The following COL24A1 variants were observed in gnomAD, a reference collection of about 807,000 sequenced individuals.
COL24A1 encodes the protein collagen alpha-1(XXIV) chain.
COL24A1 carries 224 observed loss-of-function variants against 253.9 expected under a neutral mutation model. The observed-to-expected ratio is 0.88, with a 90% CI of 0.79 to 0.99. The LOEUF is 0.99. Ranked by LOEUF, COL24A1 falls within the 50% of genes least tolerant of loss-of-function variation. The pLI is 0.00. For missense variants in COL24A1, 2,131 were observed against 2,068.5 expected (o/e 1.03, Z -0.59); for synonymous variants, 685 against 673.7 (o/e 1.02, Z -0.26).
At position 86,131,512 on chromosome 1, in the gene COL24A1, C is replaced by A. The variant is rs140076342; in HGVS notation, c.122-5298G>T. The stretch of plus-strand genomic sequence containing the variant: ...TGTCTCCTAATGCCATCCCTCCCCC[C>A]TCCCCCCACCCCACAAAGGCCCCAG... On this transcript the variant is annotated intron_variant, in intron 2 of 59. Coordinates refer to ENST00000370571, the MANE Select transcript of COL24A1 (RefSeq NM_152890.7). Among the ~76,000 whole-genome samples the A allele has an allele frequency of 5.7e-3, 715 of 125,038 alleles. 4 individuals are homozygous for A. In the East Asian group the frequency reaches 0.079, roughly 14 times the overall value. The allele number at this position is 125,038 out of a possible 152,430, so 82.0% of individuals were successfully genotyped here.
At chr1:85,761,186 C>A (rs1666809820) in intron 55 of COL24A1, among the ~76,000 whole-genome samples, 1 of 152,170 alleles carries the variant, frequency 6.6e-6, no homozygotes, top group South Asian at 2.1e-4. Context: ...CCCAAGAAAG[C>A]AGGAGATACC....
intron 24 of COL24A1, among the ~76,000 whole-genome samples, chr1:85,913,647 G>C (rs1685587745): frequency 6.6e-6 from 1 of 152,164 alleles, no homozygotes; most frequent in South Asian, 2.1e-4. Flanking sequence ...TACTGTGTTG[G>C]CTATGTTGCT....
intron 47 of COL24A1, 123 bp downstream of exon 47, chr1:85,816,665 A>C: frequency 1.3e-6 from 1 of 750,310 alleles, no homozygotes; most frequent in Non-Finnish European, 2.4e-6. Context: ...TAGCTATTAG[A>C]GAAATGAACT....
At chr1:85,948,648 C>T (rs1005608218) in intron 24 of COL24A1, among the ~76,000 whole-genome samples, 1 of 150,646 alleles carries the variant, frequency 6.6e-6, no homozygotes, top group East Asian at 1.9e-4. Flanking sequence ...TTTCTGTATA[C>T]CAACACAACT....
chr1:85,896,313 A>G (rs1429503054), intron 29 of COL24A1, 43 bp downstream of exon 29: 6 of 1,552,244 alleles, frequency 3.9e-6, no homozygotes, highest in Admixed American at 1.7e-5. Context: ...TATGATCTCA[A>G]TAAAATTTAA....
At chr1:85,951,360 A>C (rs544831626) in intron 24 of COL24A1, among the ~76,000 whole-genome samples, 73 of 152,316 alleles carry the variant, frequency 4.8e-4, no homozygotes, top group Admixed American at 2.1e-3. Flanking sequence ...CGTGGAGATT[A>C]GAAAAGACTT....
intron 3 of COL24A1, among the ~76,000 whole-genome samples, chr1:86,119,792 G>T (rs1316277929): frequency 6.6e-6 from 1 of 152,052 alleles, no homozygotes; most frequent in East Asian, 1.9e-4. Context: ...ATCAGTAGAG[G>T]ATTTATAAAT....
At chr1:85,965,150 T>C in intron 22 of COL24A1, 88 bp from the exon 23 acceptor site, 1 of 986,350 alleles carries the variant, frequency 1.0e-6, no homozygotes. Context: ...AAATTTAGAC[T>C]ATTCTTATAA....
chr1:85,767,931 A>G (rs1421040110), intron 53 of COL24A1, among the ~76,000 whole-genome samples: 1 of 152,216 alleles, frequency 6.6e-6, no homozygotes, highest in Admixed American at 6.5e-5. Context: ...TGTACCACAC[A>G]AAGTTCCCTA....
intron 47 of COL24A1, among the ~76,000 whole-genome samples, chr1:85,809,839 T>C (rs1331846891): frequency 3.3e-5 from 5 of 149,582 alleles, no homozygotes; most frequent in Non-Finnish European, 7.4e-5. Flanking sequence ...TAACCATTTT[T>C]AGGTATGCAT....
intron 19 of COL24A1, among the ~76,000 whole-genome samples, chr1:85,996,208 G>A (rs1035228334): frequency 4.6e-5 from 7 of 152,112 alleles, no homozygotes; most frequent in Non-Finnish European, 8.8e-5. Flanking sequence ...GATCTTTTGA[G>A]AGAAAATAGA....
At chr1:85,781,872 G>T (rs1570590188) in intron 51 of COL24A1, among the ~76,000 whole-genome samples, 1 of 152,168 alleles carries the variant, frequency 6.6e-6, no homozygotes, top group East Asian at 1.9e-4. Context: ...GAATAAGCTG[G>T]ATTTCTGGTC....
intron 52 of COL24A1, among the ~76,000 whole-genome samples, chr1:85,776,386 G>A (rs1324966335): frequency 6.6e-6 from 1 of 151,996 alleles, no homozygotes; most frequent in Non-Finnish European, 1.5e-5. Flanking sequence ...CGTTCCATAT[G>A]CACTTGAAAC....
intron 8 of COL24A1, among the ~76,000 whole-genome samples, chr1:86,061,779 A>T (rs2101767747): frequency 6.6e-6 from 1 of 152,208 alleles, no homozygotes; most frequent in East Asian, 1.9e-4. Flanking sequence ...GCATTTAAAG[A>T]TAGATTTTTT....
rs535239572 is a variant in COL24A1, at chr1:86,125,236, A to T, written c.1100T>A (p.Phe367Tyr). 1 of 1,613,530 alleles carries T rather than the reference A, an allele frequency of 6.2e-7. No homozygotes were observed. The highest frequency in any genetic ancestry group is 1.3e-5 in the African/African-American group (1 of 74,962). Residue 367 changes from phenylalanine to tyrosine, a missense_variant, in exon 3 of 60, where the codon TTT becomes TAT. Coordinates refer to ENST00000370571, the MANE Select transcript of COL24A1 (RefSeq NM_152890.7). ...GTCAGACATGTTTAGGAGAGAGCTA[A>T]ATTTCTCTTTGGTATTCATTTTTGC... is the stretch of plus-strand genomic sequence containing the variant. ...SEAKMNTKEK[F>Y]SSLLNMSDNI... is the part of the protein sequence containing the mutation.
intron 24 of COL24A1, among the ~76,000 whole-genome samples, chr1:85,912,283 G>A (rs1685447541): frequency 6.6e-6 from 1 of 152,036 alleles, no homozygotes; most frequent in African/African-American, 2.4e-5. Context: ...CACGTCTCAG[G>A]GTTTTTCCAT....
At chr1:85,838,427 G>A (rs547570279) in intron 43 of COL24A1, among the ~76,000 whole-genome samples, 158 bp downstream of exon 43, 2 of 152,096 alleles carry the variant, frequency 1.3e-5, no homozygotes, top group South Asian at 4.1e-4. Context: ...AGACAAAGAT[G>A]ATTCTAGGAA....
At chr1:85,776,063 G>T (rs1668511651) in intron 52 of COL24A1, among the ~76,000 whole-genome samples, 1 of 152,080 alleles carries the variant, frequency 6.6e-6, no homozygotes, top group South Asian at 2.1e-4. Flanking sequence ...TCTAATAATT[G>T]TTTTTCTTAA....
chr1:86,053,193 A>G (rs1700437184), intron 10 of COL24A1, among the ~76,000 whole-genome samples: 1 of 152,028 alleles, frequency 6.6e-6, no homozygotes, highest in Non-Finnish European at 1.5e-5. Context: ...TTCAAGTGTA[A>G]AGTCAGCTAA....
Sources: allele counts gnomAD v4.1 joint callset (sites outside exome capture counted in the v4.1 genomes callset), GRCh38; gene constraint gnomAD v4.1.1; transcripts MANE v1.5; gene names NCBI Gene and HGNC (gene_info 2026-07-23, HGNC 2026-07-21).